The following ALK variants were observed in gnomAD, a reference collection of about 807,000 sequenced individuals.
The protein encoded by ALK is ALK tyrosine kinase receptor.
Under a neutral mutation model 163.1 loss-of-function variants are expected in ALK, and 74 were observed. The ratio of observed to expected loss-of-function variants is 0.45; its 90% CI spans 0.38 to 0.55. The LOEUF (loss-of-function observed/expected upper bound fraction) is 0.55. Among genes scored for constraint, ALK ranks in the 20% least tolerant of loss-of-function variants. The pLI is 0.00. For synonymous variants in ALK, 960 were observed against 843.2 expected (o/e 1.14, Z -2.40); for missense variants, 2,063 against 2,105.3 (o/e 0.98, Z 0.39).
At chr2:29,627,225 T>C (rs188482152) in intron 3 of ALK, among the ~76,000 whole-genome samples, 126 of 152,222 alleles carry the variant, frequency 8.3e-4, no homozygotes, top group African/African-American at 2.8e-3. Context: ...TTCTCTCTTG[T>C]CCAATTAAAA....
chr2:29,406,600 G>A (rs1021439058), intron 4 of ALK, among the ~76,000 whole-genome samples: 10 of 152,088 alleles, frequency 6.6e-5, no homozygotes, highest in Admixed American at 5.9e-4. Context: ...TGGATTTTCT[G>A]TATTAGAAAG....
At chr2:29,480,790 TA>T (rs11289018) in intron 4 of ALK, among the ~76,000 whole-genome samples, 37,490 of 74,326 alleles carry the variant, frequency 0.5, 8,130 homozygotes, top group East Asian at 0.76. Context: ...ACAGACATCT[TA>T]AAAAAAAAAA....
chr2:29,255,599 T>C (rs1341399923), intron 11 of ALK, among the ~76,000 whole-genome samples: 1 of 152,150 alleles, frequency 6.6e-6, no homozygotes, highest in African/African-American at 2.4e-5. Context: ...GGAACCAAAA[T>C]TGAGGGTTCC....
At chr2:29,593,502 T>G (rs1416113260) in intron 3 of ALK, among the ~76,000 whole-genome samples, 1 of 152,226 alleles carries the variant, frequency 6.6e-6, no homozygotes, top group Non-Finnish European at 1.5e-5. Context: ...CTGCAAAACT[T>G]GTTTCCAGAA....
chr2:29,833,415 C>G (rs1048426175), intron 1 of ALK, among the ~76,000 whole-genome samples: 2 of 152,184 alleles, frequency 1.3e-5, no homozygotes, highest in Admixed American at 1.3e-4. Context: ...TCTTTGGACA[C>G]GATCATCTCT....
intron 4 of ALK, among the ~76,000 whole-genome samples, chr2:29,408,339 C>G (rs1291639501): frequency 2.0e-5 from 3 of 151,960 alleles, no homozygotes; most frequent in South Asian, 2.1e-4. Context: ...CCGCCTGCCT[C>G]GGCCTCCCCA....
intron 1 of ALK, among the ~76,000 whole-genome samples, chr2:29,777,341 A>G (rs60689851): frequency 0.044 from 6,720 of 152,170 alleles, 188 homozygotes; most frequent in East Asian, 0.11. Flanking sequence ...CACCCAGCCT[A>G]CGAGTCACTG....
At chr2:29,432,992 T>C (rs1186698209) in intron 4 of ALK, among the ~76,000 whole-genome samples, 1 of 152,192 alleles carries the variant, frequency 6.6e-6, no homozygotes, top group Non-Finnish European at 1.5e-5. Context: ...AGATAGTCAA[T>C]AAGATCCTTC....
intron 3 of ALK, among the ~76,000 whole-genome samples, chr2:29,586,258 G>T (rs1453159083): frequency 1.3e-5 from 2 of 150,504 alleles, no homozygotes; most frequent in African/African-American, 2.4e-5. Context: ...TTTTTAATGT[G>T]AGGCTTTCAT....
At chr2:29,530,667 T>C (rs929657643) in intron 4 of ALK, among the ~76,000 whole-genome samples, 2 of 152,208 alleles carry the variant, frequency 1.3e-5, no homozygotes, top group Non-Finnish European at 2.9e-5. Flanking sequence ...GGCTTCTTAC[T>C]GGAAAGAGAA....
chr2:29,303,461 G>T (rs1156985168), intron 8 of ALK, among the ~76,000 whole-genome samples: 1 of 152,180 alleles, frequency 6.6e-6, no homozygotes, highest in African/African-American at 2.4e-5. Context: ...AGTTGCTGTG[G>T]AAAACAGTAT....
intron 1 of ALK, among the ~76,000 whole-genome samples, chr2:29,915,451 C>A (rs142394011): frequency 2.8e-4 from 43 of 152,220 alleles, no homozygotes; most frequent in African/African-American, 1.0e-3. Context: ...AACTCCTGAC[C>A]TCAAGTGATC....
At chr2:29,816,317 TTC>T (rs1369204602) in intron 1 of ALK, among the ~76,000 whole-genome samples, 4 of 152,172 alleles carry the variant, frequency 2.6e-5, no homozygotes, top group Non-Finnish European at 5.9e-5. Context: ...ACCTGTTTCC[TTC>T]TCTCTAGAGG....
At chr2:29,547,499 A>C (rs919950064) in intron 3 of ALK, among the ~76,000 whole-genome samples, 11 of 152,244 alleles carry the variant, frequency 7.2e-5, no homozygotes, top group African/African-American at 2.7e-4. Flanking sequence ...CAGGAGGCTG[A>C]GGCAGGAGAA....
chr2:29,879,889 G>C (rs1004025013), intron 1 of ALK, among the ~76,000 whole-genome samples: 3 of 152,184 alleles, frequency 2.0e-5, no homozygotes, highest in African/African-American at 7.2e-5. Context: ...ATCTGTCAAA[G>C]AAAAGAAAGG....
chr2:29,221,171 C>T, intron 22 of ALK: 1 of 551,334 alleles, frequency 1.8e-6, no homozygotes. Flanking sequence ...TGCTAGAATT[C>T]ATGGTCGATT....
At chr2:29,352,521 A>G (rs1177434175) in intron 5 of ALK, among the ~76,000 whole-genome samples, 2 of 152,250 alleles carry the variant, frequency 1.3e-5, no homozygotes, top group East Asian at 3.8e-4. Context: ...AAGCAAAGAT[A>G]CAGAGGACAG....
intron 3 of ALK, 100 bp downstream of exon 3, chr2:29,694,750 C>G: frequency 6.7e-7 from 1 of 1,482,920 alleles, no homozygotes; most frequent in South Asian, 1.1e-5. Context: ...TCAAAGTAAA[C>G]AGAGCAGAAC....
At chr2:29,566,069 C>T (rs922604200) in intron 3 of ALK, among the ~76,000 whole-genome samples, 1 of 152,138 alleles carries the variant, frequency 6.6e-6, no homozygotes, top group African/African-American at 2.4e-5. Flanking sequence ...GAGTGACAAA[C>T]TTACAGGGAC....
Sources: allele counts gnomAD v4.1 joint callset (sites outside exome capture counted in the v4.1 genomes callset), GRCh38; gene constraint gnomAD v4.1.1; transcripts MANE v1.5; gene names NCBI Gene and HGNC (gene_info 2026-07-23, HGNC 2026-07-21).